Variants in AKAP5 observed in about 807,000 individuals in gnomAD.
AKAP5 encodes the protein A-kinase anchor protein 5.
AKAP5 carries 5 observed loss-of-function variants against 13.8 expected under a neutral mutation model. The ratio of observed to expected loss-of-function variants is 0.36; its 90% CI spans 0.19 to 0.76. The LOEUF is 0.76. Among genes scored for constraint, AKAP5 ranks in the 30% least tolerant of loss-of-function variants. AKAP5 has a pLI of 0.51. For missense variants in AKAP5, 406 were observed against 484.4 expected (o/e 0.84, Z 1.52); for synonymous variants, 148 against 167.2 (o/e 0.89, Z 0.89).
Position 64,472,227 on chromosome 14 carries a change from A to G in AKAP5, c.*2549A>G, listed in dbSNP as rs2078680613. ...TACCAGCTATCATATTTAAAAGTGA[A>G]CCATTTTAAAAACCTGACTAAGGTT... On this transcript the variant is annotated 3_prime_UTR_variant, in exon 2 of 2. Transcript: ENST00000394718. The G allele has an allele frequency of 6.0e-6, 1 of 167,110 alleles. No homozygotes were observed. Among genetic ancestry groups the G allele is most frequent in the Non-Finnish European group, 1.5e-5 (1 of 68,128 alleles). 10.4% of individuals were successfully genotyped at this position (167,110 alleles called of 1,614,324 possible). A position where few individuals can be genotyped will look rare whatever the true frequency, so the allele number is the denominator to read the frequency against.
In AKAP5 at chr14:64,468,630, G is replaced by A. The variant is rs1281635832; in HGVS notation, c.236G>A (p.Trp79Ter). ...SDQPEPTRGA[W>*]ASLKRLVTRR... is the part of the protein sequence containing the mutation. ...CAGCCAGAGCCCACACGGGGGGCCT[G>A]GGCCTCACTCAAACGTCTTGTAACA... The change falls in exon 2 of 2, where the codon TGG becomes TAG. Residue 79 changes from tryptophan (W) to a stop codon, truncating the protein, a stop_gained. Coordinates refer to ENST00000394718, the MANE Select transcript of AKAP5 (RefSeq NM_004857.3). LOFTEE classifies it low-confidence loss of function (END_TRUNC). The A allele has an allele frequency of 6.2e-7, 1 of 1,613,922 alleles. No homozygotes were observed. The highest frequency in any genetic ancestry group is 8.5e-7 in the Non-Finnish European group (1 of 1,180,026).
chr14:64,467,787 G>T (rs1431165435), intron 1 of AKAP5: 1 of 152,110 alleles, frequency 6.6e-6, no homozygotes. Flanking sequence ...GATTACATCA[G>T]CTTGCTTTTC....
chr14:64,466,206 T>C (rs180796054), intron 1 of AKAP5, among the ~76,000 whole-genome samples: 8 of 152,366 alleles, frequency 5.3e-5, no homozygotes, highest in Admixed American at 5.2e-4. Context: ...TAAGATTTCC[T>C]GAGGCGATAA....
In AKAP5 at chr14:64,468,444, G is replaced by C; in HGVS notation, c.50G>C (p.Arg17Thr). 1 of 1,613,866 alleles carries C rather than the reference G, an allele frequency of 6.2e-7. No homozygotes were observed. ...EIHVENKDEK[R>T]SAEGSPGAER... Reference sequence around the variant, plus strand: ...CATGTAGAAAACAAGGATGAGAAGAGATCAGCAGAAGGTAGTCCTGGGGCT... The same window carrying C: ...CATGTAGAAAACAAGGATGAGAAGACATCAGCAGAAGGTAGTCCTGGGGCT... The change falls in exon 2 of 2, where the codon AGA becomes ACA. Residue 17 changes from arginine (R) to threonine (T), a missense_variant. Coordinates refer to ENST00000394718, the MANE Select transcript of AKAP5 (RefSeq NM_004857.3).
In AKAP5 at chr14:64,469,659, TAAAC is replaced by T; in HGVS notation, c.1268_1271del (p.Asn423IlefsTer34). 2 of 1,588,508 alleles carry T rather than the reference TAAAC, an allele frequency of 1.3e-6. No homozygotes were observed. Among genetic ancestry groups the T allele is most frequent in the Non-Finnish European group, 1.7e-6 (2 of 1,171,102 alleles). ...GAAATGGCCTCTGATGATAATAAAA[TAAAC>T]AATCTTCTACAGTGACTTACTCTCC... On this transcript the variant is annotated frameshift_variant, in exon 2 of 2. Coordinates refer to ENST00000394718, the MANE Select transcript of AKAP5 (RefSeq NM_004857.3). LOFTEE classifies it high-confidence loss of function.
rs1209808926 is a variant in AKAP5, at chr14:64,471,851, A to C, written c.*2173A>C. The stretch of plus-strand genomic sequence containing the variant: ...GGATTGCATATAGAAAGTATTTGCT[A>C]CTTTGTCCTACAGAATCATCTTCAT... On this transcript the variant is annotated 3_prime_UTR_variant, in exon 2 of 2. Coordinates refer to ENST00000394718, the MANE Select transcript of AKAP5 (RefSeq NM_004857.3). 6.0e-6 allele frequency: 1 copy of C among 166,992 alleles called. No individual in the cohort carries two copies. The highest frequency in any genetic ancestry group is 1.9e-4 in the East Asian group (1 of 5,208). 10.3% of individuals were successfully genotyped at this position (166,992 alleles called of 1,614,324 possible).
rs1208879601 is a variant in AKAP5, at chr14:64,470,929, G to T, written c.*1251G>T. The T allele has an allele frequency of 6.0e-6, 1 of 167,020 alleles. No individual in the cohort carries two copies. Among genetic ancestry groups the T allele is most frequent in the Non-Finnish European group, 1.5e-5 (1 of 68,108 alleles). 10.3% of individuals were successfully genotyped at this position (167,020 alleles called of 1,614,324 possible). ...CCAAAGAGGGGAGAGTAGATTCAAAGCCAGCCTGGTAGTAATGGTCCTGGA... is the reference window on the plus strand; with the variant it reads ...CCAAAGAGGGGAGAGTAGATTCAAATCCAGCCTGGTAGTAATGGTCCTGGA... On this transcript the variant is annotated 3_prime_UTR_variant, in exon 2 of 2. Coordinates refer to ENST00000394718, the MANE Select transcript of AKAP5 (RefSeq NM_004857.3).
rs747642458 is a variant in AKAP5, at chr14:64,469,690, G to T, written c.*12G>T. On this transcript the variant is annotated 3_prime_UTR_variant, in exon 2 of 2. Coordinates refer to ENST00000394718, the MANE Select transcript of AKAP5 (RefSeq NM_004857.3). ...ATCTTCTACAGTGACTTACTCTCCA[G>T]AGTCACGGCAGAAAAAACAAGCTTA... 5 of 1,521,168 alleles carry T rather than the reference G, an allele frequency of 3.3e-6. No individual in the cohort carries two copies. Among genetic ancestry groups the T allele is most frequent in the Non-Finnish European group, 4.4e-6 (5 of 1,135,360 alleles). 94.2% of individuals were successfully genotyped at this position (1,521,168 alleles called of 1,614,324 possible). A position where few individuals can be genotyped will look rare whatever the true frequency, so the allele number is the denominator to read the frequency against.
In AKAP5 at chr14:64,470,299, G is replaced by A. The variant is rs2078654728; in HGVS notation, c.*621G>A. 6.0e-6 allele frequency: 1 copy of A among 166,936 alleles called. No homozygotes were observed. The highest frequency in any genetic ancestry group is 2.4e-5 in the African/African-American group (1 of 41,398). 10.3% of individuals were successfully genotyped at this position (166,936 alleles called of 1,614,324 possible). On this transcript the variant is annotated 3_prime_UTR_variant, in exon 2 of 2. Transcript: ENST00000394718. ...TTTCCTAGTCTTAAGTCTCTTATAA[G>A]CGCTATTTGGCCAGGGGCAGTGGCT... is the stretch of plus-strand genomic sequence containing the variant.
rs1456895438 is a variant in AKAP5, at chr14:64,473,314, T to G, written c.*3636T>G. On this transcript the variant is annotated 3_prime_UTR_variant, in exon 2 of 2. Coordinates refer to ENST00000394718, the MANE Select transcript of AKAP5 (RefSeq NM_004857.3). ...AAGCATGTGGCATAAATGGAGTTGT[T>G]CAGAAAAGCTGTCTGCATAATTTTC... 2 of 167,098 alleles carry G rather than the reference T, an allele frequency of 1.2e-5. No homozygotes were observed. The highest frequency in any genetic ancestry group is 2.9e-5 in the Non-Finnish European group (2 of 68,122). The allele number at this position is 167,098 out of a possible 1,614,324, so 10.4% of individuals were successfully genotyped here. A position where few individuals can be genotyped will look rare whatever the true frequency, so the allele number is the denominator to read the frequency against.
Position 64,468,712 on chromosome 14 carries a change from A to G in AKAP5, c.318A>G (p.Gln106=). 8 of 1,614,194 alleles carry G rather than the reference A, an allele frequency of 5.0e-6. No homozygotes were observed. The highest frequency in any genetic ancestry group is 6.8e-6 in the Non-Finnish European group (8 of 1,180,032). ...AAAAGCCATTGGAGGGTGAAATGCA[A>G]CCTGCAATAAATGCTGAGGATGCTG... The part of the protein sequence containing the change: ...KQQKPLEGEM[Q]PAINAEDADL... Residue 106 remains glutamine, a synonymous_variant, in exon 2 of 2, where the codon CAA becomes CAG. Transcript: ENST00000394718.
At position 64,469,536 on chromosome 14, in the gene AKAP5, A is replaced by C. The variant is rs1371387430; in HGVS notation, c.1142A>C (p.Glu381Ala). 6.2e-7 allele frequency: 1 copy of C among 1,613,862 alleles called. No individual in the cohort carries two copies. Among genetic ancestry groups the C allele is most frequent in the Non-Finnish European group, 8.5e-7 (1 of 1,179,994 alleles). Reference protein sequence around the residue: ...VGVFANDNGFEDRTSEQYETL... With the variant: ...VGVFANDNGFADRTSEQYETL... ...GTTTTTGCTAATGATAATGGTTTTG[A>C]GGATAGAACTTCAGAACAATATGAA... The change falls in exon 2 of 2, where the codon GAG becomes GCG. Residue 381 changes from glutamate to alanine, a missense_variant. Glu to Ala is a moderately radical substitution (Grantham distance 107). Coordinates refer to ENST00000394718, the MANE Select transcript of AKAP5 (RefSeq NM_004857.3).
rs373420644 is a variant in AKAP5, at chr14:64,470,610, A to AAGG, written c.*932_*933insAGG. The AAGG allele has an allele frequency of 6.6e-6, 1 of 151,140 alleles. No individual in the cohort carries two copies. 9.4% of individuals were successfully genotyped at this position (151,140 alleles called of 1,614,324 possible). A position where few individuals can be genotyped will look rare whatever the true frequency, so the allele number is the denominator to read the frequency against. ...TTCTCAAAAAAAAAAAAAAAAAAAA[A>AAGG]GAGAACCATTCACAAATCCTTCAAT... On this transcript the variant is annotated 3_prime_UTR_variant, in exon 2 of 2. Transcript: ENST00000394718.
At position 64,473,288 on chromosome 14, in the gene AKAP5, T is replaced by C. The variant is rs768316718; in HGVS notation, c.*3610T>C. 3 of 167,194 alleles carry C rather than the reference T, an allele frequency of 1.8e-5. No individual in the cohort carries two copies. The highest frequency in any genetic ancestry group is 6.8e-3 in the Middle Eastern group (2 of 296). 10.4% of individuals were successfully genotyped at this position (167,194 alleles called of 1,614,324 possible). A position where few individuals can be genotyped will look rare whatever the true frequency, so the allele number is the denominator to read the frequency against. On this transcript the variant is annotated 3_prime_UTR_variant, in exon 2 of 2. Transcript: ENST00000394718. Reference sequence around the variant, plus strand: ...CCACCTCCTCCACCTCAAAGAATAATAAGCATGTGGCATAAATGGAGTTGT... The same window carrying C: ...CCACCTCCTCCACCTCAAAGAATAACAAGCATGTGGCATAAATGGAGTTGT...
chr14:64,469,658 A>G lies in AKAP5; in HGVS notation c.1264A>G (p.Ile422Val), dbSNP rs1009111318. 6.3e-7 allele frequency: 1 copy of G among 1,590,096 alleles called. No individual in the cohort carries two copies. The change falls in exon 2 of 2, where the codon ATA becomes GTA. Residue 422 changes from isoleucine to valine, a missense_variant. By Grantham distance (29) the Ile-to-Val change is conservative (BLOSUM62 3). Transcript: ENST00000394718. The part of the protein sequence containing the change: ...VNEMASDDNK[I>V]NNLLQ Reference sequence around the variant, plus strand: ...TGAAATGGCCTCTGATGATAATAAAATAAACAATCTTCTACAGTGACTTAC... The same window carrying G: ...TGAAATGGCCTCTGATGATAATAAAGTAAACAATCTTCTACAGTGACTTAC...
At chr14:64,466,924 G>A (rs1381761887) in intron 1 of AKAP5, among the ~76,000 whole-genome samples, 2 of 151,940 alleles carry the variant, frequency 1.3e-5, no homozygotes, top group Non-Finnish European at 2.9e-5. Context: ...TATTATCTAA[G>A]TTTGCCAATT....
At position 64,473,457 on chromosome 14, in the gene AKAP5, A is replaced by G. The variant is rs1273084925; in HGVS notation, c.*3779A>G. On this transcript the variant is annotated 3_prime_UTR_variant, in exon 2 of 2. Transcript: ENST00000394718. The stretch of plus-strand genomic sequence containing the variant: ...TGAGAGATTGTTATTTCACCAGTAT[A>G]TGTGAACAGGCTTGCTAAAGGCATT... 1 of 167,070 alleles carries G rather than the reference A, an allele frequency of 6.0e-6. No individual in the cohort carries two copies. Among genetic ancestry groups the G allele is most frequent in the African/African-American group, 2.4e-5 (1 of 41,458 alleles). 10.3% of individuals were successfully genotyped at this position (167,070 alleles called of 1,614,324 possible).
Position 64,473,629 on chromosome 14 carries a change from A to G in AKAP5, c.*3951A>G, listed in dbSNP as rs777968657. The G allele has an allele frequency of 1.2e-5, 2 of 167,114 alleles. No homozygotes were observed. The highest frequency in any genetic ancestry group is 2.9e-5 in the Non-Finnish European group (2 of 68,124). 10.4% of individuals were successfully genotyped at this position (167,114 alleles called of 1,614,324 possible). Reference sequence around the variant, plus strand: ...TTAAGAATGTTTTTCGAGGTTTACAACAGAATTTAAAAAATAATTGTTAGG... The same window carrying G: ...TTAAGAATGTTTTTCGAGGTTTACAGCAGAATTTAAAAAATAATTGTTAGG... On this transcript the variant is annotated 3_prime_UTR_variant, in exon 2 of 2. Coordinates refer to ENST00000394718, the MANE Select transcript of AKAP5 (RefSeq NM_004857.3).
In AKAP5 at chr14:64,470,609, AAG is replaced by A. The variant is rs1491285102; in HGVS notation, c.*935_*936del. 1 of 165,232 alleles carries A rather than the reference AAG, an allele frequency of 6.1e-6. No individual in the cohort carries two copies. Among genetic ancestry groups the A allele is most frequent in the Non-Finnish European group, 1.5e-5 (1 of 67,790 alleles). The allele number at this position is 165,232 out of a possible 1,614,324, so 10.2% of individuals were successfully genotyped here. ...CTTCTCAAAAAAAAAAAAAAAAAAA[AAG>A]AGAACCATTCACAAATCCTTCAATC... On this transcript the variant is annotated 3_prime_UTR_variant, in exon 2 of 2. Transcript: ENST00000394718.
Sources: gnomAD v4.1 joint callset for allele counts (sites outside exome capture counted in the v4.1 genomes callset) on GRCh38, gnomAD v4.1.1 for gene constraint, MANE v1.5 for transcripts, NCBI Gene and HGNC (gene_info 2026-07-23, HGNC 2026-07-21) for gene names.